The following FRAS1 variants were observed in gnomAD, a reference collection of about 807,000 sequenced individuals.
FRAS1 encodes extracellular matrix organizing protein FRAS1.
Under a neutral mutation model 435.2 loss-of-function variants are expected in FRAS1, and 290 were observed. That is an observed-to-expected ratio of 0.67 (90% CI 0.61 to 0.73). The LOEUF is 0.73. FRAS1 is among the 30% of genes least tolerant of loss of function. The pLI is 0.00. For missense variants in FRAS1, 4,860 were observed against 5,001.5 expected, an observed-to-expected ratio of 0.97 and a Z score of 0.85; for synonymous variants, 1,800 against 1,851.0, an observed-to-expected ratio of 0.97 and a Z score of 0.71.
chr4:78,301,846 G>GTTTTTGTT (rs1728414290), intron 14 of FRAS1, among the ~76,000 whole-genome samples: 1 of 103,936 alleles, frequency 9.6e-6, no homozygotes, highest in African/African-American at 3.7e-5. Context: ...CACAGAAACA[G>GTTTTTGTT]TTTTTTTTTT....
chr4:78,059,780 T>C (rs1318294813), intron 1 of FRAS1, among the ~76,000 whole-genome samples: 1 of 150,914 alleles, frequency 6.6e-6, no homozygotes, highest in East Asian at 2.0e-4. Flanking sequence ...CAGGGTGCGC[T>C]CTTTGGCAGA....
At chr4:78,491,575 A>G (rs550031413) in intron 59 of FRAS1, among the ~76,000 whole-genome samples, 1 of 152,338 alleles carries the variant, frequency 6.6e-6, no homozygotes, top group East Asian at 1.9e-4. Context: ...TAATAGATGC[A>G]GAAAAGGCCT....
chr4:78,449,646 A>G (rs1718959424), intron 44 of FRAS1, among the ~76,000 whole-genome samples: 1 of 152,220 alleles, frequency 6.6e-6, no homozygotes, highest in African/African-American at 2.4e-5. Context: ...CCAGAGGCTC[A>G]GATCTCCTTG....
chr4:78,248,400 T>C (rs1725359028), intron 4 of FRAS1, among the ~76,000 whole-genome samples: 1 of 152,168 alleles, frequency 6.6e-6, no homozygotes, highest in Non-Finnish European at 1.5e-5. Context: ...ATCCCCTTTC[T>C]TTTCCTGTTT....
Position 78,106,040 on chromosome 4 carries a change from C to T in FRAS1, c.108+40024C>T, listed in dbSNP as rs559848282. 5.3e-5 allele frequency among the ~76,000 whole-genome samples: 7 copies of T among 132,158 alleles called. No homozygotes were observed. In the East Asian group the frequency reaches 6.2e-4, roughly 12 times the overall value. The allele number at this position is 132,158 out of a possible 152,430, so 86.7% of individuals were successfully genotyped here. On this transcript the variant is annotated intron_variant, in intron 2 of 73. Transcript: ENST00000512123. ...CACCCGAATATTGCGCTTTTCAGACCGGCTTAAGAAACGGCGCACCACGAG... is the reference window on the plus strand; with the variant it reads ...CACCCGAATATTGCGCTTTTCAGACTGGCTTAAGAAACGGCGCACCACGAG...
At chr4:78,496,663 G>A (rs1365792995) in intron 59 of FRAS1, 142 bp from the exon 60 acceptor site, 5 of 824,734 alleles carry the variant, frequency 6.1e-6, no homozygotes, top group Admixed American at 5.5e-5. Flanking sequence ...TGAACATTTT[G>A]TTTTATAAAT....
At chr4:78,497,227 A>G (rs1226849410) in intron 60 of FRAS1, among the ~76,000 whole-genome samples, 1 of 152,184 alleles carries the variant, frequency 6.6e-6, no homozygotes, top group Non-Finnish European at 1.5e-5. Flanking sequence ...CAGAAATGCT[A>G]AGACAGAGAA....
At chr4:78,493,678 G>T (rs1720432405) in intron 59 of FRAS1, among the ~76,000 whole-genome samples, 1 of 152,052 alleles carries the variant, frequency 6.6e-6, no homozygotes, top group South Asian at 2.1e-4. Context: ...CTAGGGGAGG[G>T]ATAGCATTAG....
chr4:78,479,494 G>A lies in FRAS1; in HGVS notation c.8219G>A (p.Ser2740Asn), dbSNP rs1719945998. The A allele has an allele frequency of 6.2e-7, 1 of 1,613,090 alleles. No homozygotes were observed. Residue 2740 changes from serine (S) to asparagine (N), a missense_variant, in exon 56 of 74, where the codon AGT becomes AAT. Ser to Asn is a conservative substitution (Grantham distance 46). Transcript: ENST00000512123. The stretch of plus-strand genomic sequence containing the variant: ...AAATCTAGAGGGATGTCTGCCGCGA[G>A]TCGTGTGATATTCGGGCCTGGTGTG... ...DFKSRGMSAASRVIFGPGVTM... is the reference protein window; with the variant it reads ...DFKSRGMSAANRVIFGPGVTM...
chr4:78,313,298 CT>C (rs1164017063), intron 15 of FRAS1, among the ~76,000 whole-genome samples: 4 of 152,176 alleles, frequency 2.6e-5, no homozygotes, highest in Non-Finnish European at 5.9e-5. Flanking sequence ...ATAGCCCATT[CT>C]CTTACTCTAC....
At chr4:78,157,305 T>C (rs1002930206) in intron 2 of FRAS1, among the ~76,000 whole-genome samples, 5 of 152,252 alleles carry the variant, frequency 3.3e-5, no homozygotes, top group Non-Finnish European at 7.3e-5. Flanking sequence ...TATGTCTTTT[T>C]GGTAAAATGA....
chr4:78,516,749 G>T (rs57356999), intron 66 of FRAS1, among the ~76,000 whole-genome samples: 21,230 of 152,212 alleles, frequency 0.14, 1,782 homozygotes, highest in Non-Finnish European at 0.2. Context: ...AAGGAAAACT[G>T]CCTTATAAAA....
chr4:78,145,203 A>T (rs1578151354), intron 2 of FRAS1, among the ~76,000 whole-genome samples: 1 of 152,172 alleles, frequency 6.6e-6, no homozygotes, highest in African/African-American at 2.4e-5. Context: ...GAGTCAGTTT[A>T]CAACAGGGTA....
chr4:78,222,451 C>T (rs902890253), intron 2 of FRAS1, among the ~76,000 whole-genome samples: 1 of 152,112 alleles, frequency 6.6e-6, no homozygotes, highest in African/African-American at 2.4e-5. Context: ...GCGACTTCTC[C>T]GTAAATGTTG....
intron 70 of FRAS1, among the ~76,000 whole-genome samples, chr4:78,529,325 A>G (rs1050067683): frequency 6.6e-6 from 1 of 152,164 alleles, no homozygotes; most frequent in East Asian, 1.9e-4. Flanking sequence ...ATTCATTTAA[A>G]TGTTTAAAAA....
chr4:78,266,420 C>T lies in FRAS1; in HGVS notation c.688-414C>T, dbSNP rs915646274. 3.9e-5 allele frequency among the ~76,000 whole-genome samples: 6 copies of T among 152,192 alleles called. No homozygotes were observed. In the South Asian group the frequency reaches 6.2e-4, roughly 16 times the overall value. On this transcript the variant is annotated intron_variant, in intron 7 of 73. Transcript: ENST00000512123. ...AGCAAATTTCCCGTGAGGTCCCCTC[C>T]GGTTGGACAGTGTCCATGCCCTAGC...
chr4:78,274,009 T>G (rs1370414644), intron 9 of FRAS1, among the ~76,000 whole-genome samples: 1 of 152,222 alleles, frequency 6.6e-6, no homozygotes, highest in African/African-American at 2.4e-5. Context: ...ATTGTTCAAT[T>G]CAGGGATTCA....
intron 2 of FRAS1, among the ~76,000 whole-genome samples, chr4:78,115,992 C>T (rs1359525891): frequency 6.6e-6 from 1 of 152,196 alleles, no homozygotes; most frequent in African/African-American, 2.4e-5. Flanking sequence ...CGTCTACACA[C>T]TGCTTTTAAT....
intron 2 of FRAS1, among the ~76,000 whole-genome samples, chr4:78,073,584 C>A (rs575492744): frequency 1.3e-5 from 2 of 152,148 alleles, no homozygotes; most frequent in South Asian, 4.2e-4. Context: ...TGTTTATTTT[C>A]TATGTGATAC....
Sources: gnomAD v4.1 joint callset for allele counts (sites outside exome capture counted in the v4.1 genomes callset) on GRCh38, gnomAD v4.1.1 for gene constraint, MANE v1.5 for transcripts, NCBI Gene and HGNC (gene_info 2026-07-23, HGNC 2026-07-21) for gene names.